HIBCH: variants seen among roughly 807,000 people sequenced by gnomAD.
HIBCH encodes the protein 3-hydroxyisobutyryl-CoA hydrolase, mitochondrial.
Under a neutral mutation model 58.2 loss-of-function variants are expected in HIBCH, and 50 were observed. The observed-to-expected ratio is 0.86, with a 90% CI of 0.68 to 1.09. The LOEUF is 1.09. Among genes scored for constraint, HIBCH ranks in the 50% least tolerant of loss-of-function variants. The pLI, the probability that HIBCH is intolerant of heterozygous loss-of-function variation, is 0.00. For missense variants in HIBCH, 450 were observed against 449.7 expected (o/e 1.00, Z -0.01); for synonymous variants, 151 against 146.9 (o/e 1.03, Z -0.20).
At chr2:190,300,004 T>G (rs1380858010) in intron 2 of HIBCH, among the ~76,000 whole-genome samples, 1 of 152,210 alleles carries the variant, frequency 6.6e-6, no homozygotes, top group African/African-American at 2.4e-5. Context: ...AGTCTTCTTC[T>G]TTTTTATGGC....
intron 1 of HIBCH, among the ~76,000 whole-genome samples, chr2:190,193,699 T>TAA: frequency 6.6e-6 from 1 of 152,158 alleles, no homozygotes; most frequent in South Asian, 2.1e-4. Flanking sequence ...TTACACATCT[T>TAA]AATATGTGAC....
At chr2:190,307,348 C>G (rs1192720281) in intron 2 of HIBCH, among the ~76,000 whole-genome samples, 1 of 152,042 alleles carries the variant, frequency 6.6e-6, no homozygotes, top group African/African-American at 2.4e-5. Flanking sequence ...ATTAAATGAG[C>G]TTTTGCATAT....
chr2:190,226,102 G>T (rs1431695662), intron 11 of HIBCH, among the ~76,000 whole-genome samples: 1 of 152,118 alleles, frequency 6.6e-6, no homozygotes, highest in East Asian at 1.9e-4. Flanking sequence ...TTGATGCGAC[G>T]TATCTCAAAA....
rs1688794672 is a variant in HIBCH, at chr2:190,319,591, C to G, written c.35+125G>C. 3 of 805,044 alleles carry G rather than the reference C, an allele frequency of 3.7e-6. No homozygotes were observed. In the African/African-American group the frequency reaches 5.1e-5, roughly 14 times the overall value. 49.9% of individuals were successfully genotyped at this position (805,044 alleles called of 1,614,324 possible). A position where few individuals can be genotyped will look rare whatever the true frequency, so the allele number is the denominator to read the frequency against. ...GCTTGGGGAGGGCCAAGGTTGGGGT[C>G]TCACAGCGGCGCCTCTGAGCGCGAC... On this transcript the variant is annotated intron_variant, in intron 1 of 13. Coordinates refer to ENST00000359678, the MANE Select transcript of HIBCH (RefSeq NM_014362.4).
At chr2:190,271,614 A>T (rs1275586887) in intron 6 of HIBCH, among the ~76,000 whole-genome samples, 1 of 151,838 alleles carries the variant, frequency 6.6e-6, no homozygotes, top group Non-Finnish European at 1.5e-5. Context: ...AATCACCATG[A>T]TCTCTCACCC....
At chr2:190,219,100 A>G (rs1685644574) in intron 11 of HIBCH, among the ~76,000 whole-genome samples, 1 of 152,198 alleles carries the variant, frequency 6.6e-6, no homozygotes, top group Admixed American at 6.5e-5. Context: ...TCACTTGGCC[A>G]TTCCATTCAC....
At chr2:190,311,220 C>T (rs1688550747) in intron 1 of HIBCH, among the ~76,000 whole-genome samples, 1 of 152,112 alleles carries the variant, frequency 6.6e-6, no homozygotes. Flanking sequence ...GTATGATATT[C>T]TGAAAAGGGC....
intron 11 of HIBCH, among the ~76,000 whole-genome samples, chr2:190,225,866 C>T (rs899714378): frequency 4.6e-5 from 7 of 152,140 alleles, no homozygotes; most frequent in Non-Finnish European, 7.4e-5. Context: ...ATGCAAAAAT[C>T]CTCAATAAAA....
At chr2:190,205,571 G>A (rs967963150) in intron 13 of HIBCH, among the ~76,000 whole-genome samples, 1 of 152,080 alleles carries the variant, frequency 6.6e-6, no homozygotes, top group African/African-American at 2.4e-5. Flanking sequence ...TACAAAACAG[G>A]TAAAACCAGT....
chr2:190,239,019 T>C (rs1209220390), intron 11 of HIBCH, among the ~76,000 whole-genome samples: 16 of 152,202 alleles, frequency 1.1e-4, no homozygotes, highest in Non-Finnish European at 2.9e-5. Flanking sequence ...CTTTTGGTGG[T>C]TTAGTCATGA....
chr2:190,303,537 A>C (rs1443828038), intron 2 of HIBCH, among the ~76,000 whole-genome samples: 1 of 152,234 alleles, frequency 6.6e-6, no homozygotes. Flanking sequence ...ACAATGAAGC[A>C]ATCAATAATG....
At chr2:190,198,249 A>T (rs1395938283) in intron 1 of HIBCH, among the ~76,000 whole-genome samples, 2 of 152,166 alleles carry the variant, frequency 1.3e-5, no homozygotes, top group Non-Finnish European at 2.9e-5. Flanking sequence ...ATAGAATAAT[A>T]TATGGTGGTA....
At chr2:190,289,705 C>T (rs981249964) in intron 5 of HIBCH, among the ~76,000 whole-genome samples, 8 of 151,882 alleles carry the variant, frequency 5.3e-5, no homozygotes, top group Non-Finnish European at 7.4e-5. Flanking sequence ...ATCTTAACTT[C>T]GCATGCTAGA....
At chr2:190,264,281 CTT>C (rs77210596) in intron 6 of HIBCH, among the ~76,000 whole-genome samples, 3 of 144,086 alleles carry the variant, frequency 2.1e-5, no homozygotes, top group Admixed American at 6.9e-5. Flanking sequence ...TTTTTTCTTT[CTT>C]TTTTTTTTTT....
downstream of HIBCH, chr2:190,200,013 T>C (rs771685254): frequency 1.4e-5 from 23 of 1,613,942 alleles, no homozygotes; most frequent in East Asian, 5.1e-4. Context: ...TGAAGGAACC[T>C]CCAGGGACCA....
chr2:190,319,599 G>A (rs2124886732), intron 1 of HIBCH, 117 bp downstream of exon 1: 1 of 855,722 alleles, frequency 1.2e-6, no homozygotes, highest in Non-Finnish European at 2.0e-6. Flanking sequence ...GTCTCACAGC[G>A]GCGCCTCTGA....
intron 1 of HIBCH, among the ~76,000 whole-genome samples, chr2:190,193,833 T>C (rs1210497105): frequency 6.6e-6 from 1 of 152,120 alleles, no homozygotes; most frequent in East Asian, 1.9e-4. Flanking sequence ...TCTACTTATT[T>C]TGGGTTTAAT....
In HIBCH at chr2:190,254,336, G is replaced by C. The variant is rs291406; in HGVS notation, c.518-2029C>G. ...AGAGAAAAGGCCACATGAGGACAGAGCAAGAAGGCAGCAGTCTATTAGCCA... is the reference window on the plus strand; with the variant it reads ...AGAGAAAAGGCCACATGAGGACAGACCAAGAAGGCAGCAGTCTATTAGCCA... On this transcript the variant is annotated intron_variant, in intron 7 of 13. Transcript: ENST00000359678. This position sits in a 1 kb window ranked among gnomAD's most constrained non-coding sequence, Gnocchi z 5.0. Among the ~76,000 whole-genome samples, 1 of 152,128 alleles carries C rather than the reference G, an allele frequency of 6.6e-6. No homozygotes were observed. The highest frequency in any genetic ancestry group is 2.4e-5 in the African/African-American group (1 of 41,424).
chr2:190,301,528 G>C (rs552455984), intron 2 of HIBCH, among the ~76,000 whole-genome samples: 3 of 152,276 alleles, frequency 2.0e-5, no homozygotes, highest in South Asian at 4.1e-4. Context: ...GGGAAGCATG[G>C]AAAATTTTAG....
Sources: allele counts gnomAD v4.1 joint callset (sites outside exome capture counted in the v4.1 genomes callset), GRCh38; gene constraint gnomAD v4.1.1; non-coding constraint Gnocchi (gnomAD v3.1); transcripts MANE v1.5; gene names NCBI Gene and HGNC (gene_info 2026-07-23, HGNC 2026-07-21).